Variants in HIVEP3 observed in about 807,000 individuals in gnomAD.
HIVEP3 encodes the protein HIVEP zinc finger 3, also known as transcription factor HIVEP3.
Under a neutral mutation model 152.8 loss-of-function variants are expected in HIVEP3, and 49 were observed. The observed-to-expected ratio is 0.32, with a 90% confidence interval of 0.26 to 0.41. The LOEUF (loss-of-function observed/expected upper bound fraction) is 0.41, where lower values mean the gene tolerates loss of function less well. Among genes scored for constraint, HIVEP3 ranks in the 10% least tolerant of loss-of-function variants. The probability of loss-of-function intolerance (pLI) is 1.00; values close to 1 mark genes in which losing one functional copy is unlikely to be tolerated. For synonymous variants in HIVEP3, 1,269 were observed against 1,289.0 expected (o/e 0.98, Z 0.33); for missense variants, 2,790 against 3,103.3 (o/e 0.90, Z 2.40).
rs58470482 is a variant in HIVEP3 at position 41,966,475 on chromosome 1, C to CT, written n.120-47952dup. ...TCAAGACCCATCAGTGTGCTGTATT[C>CT]TTTTTTTTTTTTTTTTGAGATGGAG... On this transcript the variant is annotated intron_variant and non_coding_transcript_variant, in intron 1 of 3. Transcript: ENST00000489103. Among the ~76,000 whole-genome samples the CT allele has an allele frequency of 9.5e-4, 91 of 95,814 alleles. 5 individuals are homozygous for CT. Among genetic ancestry groups the CT allele is most frequent in the Admixed American group, 2.3e-3 (18 of 7,676 alleles). 62.9% of individuals were successfully genotyped at this position (95,814 alleles called of 152,430 possible).
At chr1:41,519,200 C>T (rs1473586374) in intron 6 of HIVEP3, among the ~76,000 whole-genome samples, 5 of 152,182 alleles carry the variant, frequency 3.3e-5, no homozygotes, top group Non-Finnish European at 7.4e-5. Context: ...GACACAGGAC[C>T]AGGGTGGTTC....
chr1:41,886,279 G>A lies in HIVEP3; in HGVS notation c.-801+32134C>T, dbSNP rs781242876. 6.6e-5 allele frequency among the ~76,000 whole-genome samples: 10 copies of A among 152,204 alleles called. No homozygotes were observed. In the East Asian group the frequency reaches 7.7e-4, roughly 12 times the overall value. Reference sequence around the variant, plus strand: ...ATTTATGTCTATTGTTCACAGTCACGTTAATGCAAAGTCAAGTGATTGTTA... The same window carrying A: ...ATTTATGTCTATTGTTCACAGTCACATTAATGCAAAGTCAAGTGATTGTTA... On this transcript the variant is annotated intron_variant, in intron 1 of 8. Coordinates refer to ENST00000372583, the MANE Select transcript of HIVEP3 (RefSeq NM_024503.5).
At chr1:41,659,242 T>A (rs998498613) in intron 2 of HIVEP3, among the ~76,000 whole-genome samples, 4 of 152,216 alleles carry the variant, frequency 2.6e-5, no homozygotes, top group Non-Finnish European at 2.9e-5. Flanking sequence ...CACTTCTTTA[T>A]TACTCAGATC....
At chr1:41,632,115 C>T (rs1645203526) in intron 2 of HIVEP3, among the ~76,000 whole-genome samples, 1 of 152,214 alleles carries the variant, frequency 6.6e-6, no homozygotes, top group Non-Finnish European at 1.5e-5. Flanking sequence ...CCACTGTGCT[C>T]AGCCACGGCT....
chr1:41,998,368 T>C (rs944691080), intron 1 of HIVEP3, among the ~76,000 whole-genome samples: 1 of 152,192 alleles, frequency 6.6e-6, no homozygotes, highest in African/African-American at 2.4e-5. Context: ...TCACTATGTC[T>C]CCTTCCACTT....
chr1:41,600,607 A>C (rs1644732595), intron 3 of HIVEP3, among the ~76,000 whole-genome samples: 1 of 152,230 alleles, frequency 6.6e-6, no homozygotes, highest in Non-Finnish European at 1.5e-5. Flanking sequence ...TCAGAATGAA[A>C]AGTAATCTAG....
chr1:41,548,030 C>G (rs569148563), intron 5 of HIVEP3, among the ~76,000 whole-genome samples: 16 of 152,282 alleles, frequency 1.1e-4, no homozygotes, highest in Admixed American at 5.9e-4. Flanking sequence ...TCCTCCCTCC[C>G]CTTCCATCCC....
At chr1:41,546,420 A>G (rs960184873) in intron 5 of HIVEP3, among the ~76,000 whole-genome samples, 2 of 152,216 alleles carry the variant, frequency 1.3e-5, no homozygotes, top group Middle Eastern at 6.3e-3. Context: ...GCTGACAGAG[A>G]AGGGTTCCCG....
At chr1:41,792,331 T>C (rs1649747987) in intron 1 of HIVEP3, among the ~76,000 whole-genome samples, 1 of 152,212 alleles carries the variant, frequency 6.6e-6, no homozygotes, top group Admixed American at 6.5e-5. Context: ...GGCTTGCTCT[T>C]GAGCATATTC....
chr1:41,817,161 C>A (rs1447724278), intron 1 of HIVEP3, among the ~76,000 whole-genome samples: 2 of 152,214 alleles, frequency 1.3e-5, no homozygotes, highest in Non-Finnish European at 2.9e-5. Context: ...CCGCTGCTGG[C>A]TGAGTAAGGT....
intron 1 of HIVEP3, among the ~76,000 whole-genome samples, chr1:41,801,251 T>C (rs1650286463): frequency 6.6e-6 from 1 of 152,086 alleles, no homozygotes; most frequent in Admixed American, 6.5e-5. Context: ...AGCAAAGGGA[T>C]AGCATAAGAG....
intron 1 of HIVEP3, among the ~76,000 whole-genome samples, chr1:42,009,721 T>G (rs558928276): frequency 6.6e-6 from 1 of 152,322 alleles, no homozygotes; most frequent in Non-Finnish European, 1.5e-5. Context: ...GGGTTCCTTT[T>G]GATTGAAGAA....
At chr1:41,575,792 C>A in intron 4 of HIVEP3, 103 bp from the exon 5 acceptor site, 2 of 1,274,410 alleles carry the variant, frequency 1.6e-6, no homozygotes, top group Non-Finnish European at 2.2e-6. Flanking sequence ...TGCACAAGTA[C>A]ACATATGCAA....
intron 1 of HIVEP3, among the ~76,000 whole-genome samples, chr1:41,758,931 T>C (rs1647491228): frequency 6.6e-6 from 1 of 152,188 alleles, no homozygotes; most frequent in African/African-American, 2.4e-5. Flanking sequence ...CCATCTTTTT[T>C]AAATTGTCGT....
chr1:41,922,234 A>C (rs1378234435), upstream of HIVEP3, among the ~76,000 whole-genome samples: 2 of 152,258 alleles, frequency 1.3e-5, no homozygotes, highest in African/African-American at 2.4e-5. Context: ...TTCCTCATAA[A>C]GGAGAAAAAT....
intron 1 of HIVEP3, among the ~76,000 whole-genome samples, chr1:41,716,309 G>A (rs1646592822): frequency 1.3e-5 from 2 of 152,164 alleles, no homozygotes; most frequent in Admixed American, 1.3e-4. Context: ...CTGGGCCAAG[G>A]TAGGACAGTG....
At chr1:41,544,571 G>C (rs77720448) in intron 5 of HIVEP3, among the ~76,000 whole-genome samples, 3,161 of 149,946 alleles carry the variant, frequency 0.021, 102 homozygotes, top group African/African-American at 0.071. Flanking sequence ...GAAGCACCAC[G>C]ACCACCTCTA....
At chr1:41,862,625 C>T (rs1643901867) in intron 1 of HIVEP3, among the ~76,000 whole-genome samples, 1 of 152,174 alleles carries the variant, frequency 6.6e-6, no homozygotes, top group Admixed American at 6.5e-5. Flanking sequence ...CCAAGCTTGC[C>T]TCCTGCCTCC....
intron 1 of HIVEP3, among the ~76,000 whole-genome samples, chr1:41,802,877 T>C (rs924083909): frequency 6.6e-6 from 1 of 152,194 alleles, no homozygotes; most frequent in African/African-American, 2.4e-5. Flanking sequence ...ATAAAATGTG[T>C]CCACTTTTAG....
Sources: gnomAD v4.1 joint callset for allele counts (sites outside exome capture counted in the v4.1 genomes callset) on GRCh38, gnomAD v4.1.1 for gene constraint, MANE v1.5 for transcripts, NCBI Gene and HGNC (gene_info 2026-07-23, HGNC 2026-07-21) for gene names.